The following MARCHF6 variants were observed in gnomAD, a reference collection of about 807,000 sequenced individuals.
The protein encoded by MARCHF6 is membrane associated ring-CH-type finger 6.
In MARCHF6, 31 loss-of-function variants were observed where a neutral mutation model predicts 133.7. The ratio of observed to expected loss-of-function variants is 0.23; its 90% CI spans 0.17 to 0.31. The LOEUF (loss-of-function observed/expected upper bound fraction) is 0.31. MARCHF6 is among the 10% of genes least tolerant of loss of function. The probability of loss-of-function intolerance (pLI) is 1.00; values close to 1 mark genes in which losing one functional copy is unlikely to be tolerated. For synonymous variants in MARCHF6, 395 were observed against 402.5 expected (o/e 0.98, Z 0.22); for missense variants, 723 against 1,121.6 (o/e 0.64, Z 5.08).
intron 16 of MARCHF6, among the ~76,000 whole-genome samples, chr5:10,406,177 G>A (rs1046428898): frequency 5.3e-5 from 8 of 152,278 alleles, no homozygotes; most frequent in East Asian, 1.9e-4. Context: ...CTGAAATCCC[G>A]TTGAAAACTG....
At position 10,382,099 on chromosome 5, in the gene MARCHF6, C is replaced by T. The variant is rs1008198382; in HGVS notation, c.334+156C>T. 3.3e-5 allele frequency among the ~76,000 whole-genome samples: 5 copies of T among 152,234 alleles called. No homozygotes were observed. In the South Asian group the frequency reaches 6.2e-4, roughly 19 times the overall value. On this transcript the variant is annotated intron_variant, in intron 4 of 25. Transcript: ENST00000274140. ...AAAGCCTTACTTAGAAGATGTTCATCGGAACTAAGAATGAGTTTAACAGGT... is the reference window on the plus strand; with the variant it reads ...AAAGCCTTACTTAGAAGATGTTCATTGGAACTAAGAATGAGTTTAACAGGT...
intron 4 of MARCHF6, among the ~76,000 whole-genome samples, chr5:10,384,296 T>C (rs1737334382): frequency 6.6e-6 from 1 of 150,936 alleles, no homozygotes; most frequent in Non-Finnish European, 1.5e-5. Flanking sequence ...CTTTTAAGAA[T>C]AAAAGGCAAT....
In MARCHF6 at chr5:10,412,967, T is replaced by G. The variant is rs557095980; in HGVS notation, c.1896+1430T>G. On this transcript the variant is annotated intron_variant, in intron 19 of 25. Coordinates refer to ENST00000274140, the MANE Select transcript of MARCHF6 (RefSeq NM_005885.4). ...GCCATGGGAGTGGTGAGGGATAAGG[T>G]GGGGAAGAGGTGAGGGACAAGAGGA... Among the ~76,000 whole-genome samples, 9 of 151,684 alleles carry G rather than the reference T, an allele frequency of 5.9e-5. No individual in the cohort carries two copies. In the South Asian group the frequency reaches 1.7e-3, roughly 28 times the overall value.
rs1232666551 is a variant in MARCHF6, at chr5:10,380,771, AC to A, written c.191-1028del. ...TGGAAACCCTGTCTCTACTGAAAAT[AC>A]AAAAATCAGCCAGGTGTGGTGGCAG... On this transcript the variant is annotated intron_variant, in intron 3 of 25. Transcript: ENST00000274140. 3.3e-5 allele frequency among the ~76,000 whole-genome samples: 5 copies of A among 152,104 alleles called. No individual in the cohort carries two copies. In the East Asian group the frequency reaches 9.7e-4, roughly 29 times the overall value.
Position 10,433,702 on chromosome 5 carries a change from C to T in MARCHF6, c.*18C>T. ...AAGAATAAAGTAGTTGTCTCAACAA[C>T]TTGACCTTCCCCTTTACATGTCCTT... On this transcript the variant is annotated 3_prime_UTR_variant, in exon 26 of 26. Coordinates refer to ENST00000274140, the MANE Select transcript of MARCHF6 (RefSeq NM_005885.4). 4 of 1,598,632 alleles carry T rather than the reference C, an allele frequency of 2.5e-6. No individual in the cohort carries two copies. Among genetic ancestry groups the T allele is most frequent in the Non-Finnish European group, 3.4e-6 (4 of 1,165,844 alleles).
chr5:10,435,909 G>T lies in MARCHF6; in HGVS notation c.*2225G>T, dbSNP rs941784664. ...TTTTAGTTATTTTAGTAGAGATAGGGTTTCACCATGTTGGCCAGGCTGGTC... is the reference window on the plus strand; with the variant it reads ...TTTTAGTTATTTTAGTAGAGATAGGTTTTCACCATGTTGGCCAGGCTGGTC... On this transcript the variant is annotated 3_prime_UTR_variant, in exon 26 of 26. Transcript: ENST00000274140. 2.7e-5 allele frequency: 4 copies of T among 150,106 alleles called. No homozygotes were observed. Among genetic ancestry groups the T allele is most frequent in the Non-Finnish European group, 5.9e-5 (4 of 67,634 alleles). The allele number at this position is 150,106 out of a possible 1,614,324, so 9.3% of individuals were successfully genotyped here.
intron 4 of MARCHF6, among the ~76,000 whole-genome samples, chr5:10,384,099 G>A (rs564927532): frequency 2.4e-4 from 36 of 152,092 alleles, no homozygotes; most frequent in African/African-American, 7.0e-4. Context: ...TCAGATGGCC[G>A]TACAGAAAAA....
At chr5:10,423,904 AT>A in intron 23 of MARCHF6, 80 bp downstream of exon 23, 1 of 993,712 alleles carries the variant, frequency 1.0e-6, no homozygotes, top group Non-Finnish European at 1.5e-6. Context: ...CTTATTTCTT[AT>A]CTTCCTACCT....
chr5:10,418,440 T>TCG (rs1310068680), intron 22 of MARCHF6, among the ~76,000 whole-genome samples: 2 of 149,906 alleles, frequency 1.3e-5, no homozygotes, highest in African/African-American at 4.9e-5. Flanking sequence ...ACAGCAAAGG[T>TCG]CTTAAAGCTC....
chr5:10,369,634 C>T (rs1393297682), intron 1 of MARCHF6, among the ~76,000 whole-genome samples: 1 of 112,456 alleles, frequency 8.9e-6, no homozygotes, highest in African/African-American at 3.5e-5. Flanking sequence ...TATCCTTTAC[C>T]CTTTTATGGT....
rs967185145 is a variant in MARCHF6 at position 10,405,476 on chromosome 5, T to G, written c.1333-82T>G. The G allele has an allele frequency of 3.3e-6, 4 of 1,200,118 alleles. No individual in the cohort carries two copies. The Admixed American group carries it at 1.1e-4, about 33-fold the overall frequency. 74.3% of individuals were successfully genotyped at this position (1,200,118 alleles called of 1,614,324 possible). A position where few individuals can be genotyped will look rare whatever the true frequency, so the allele number is the denominator to read the frequency against. ...AGATGCCAGAATAATTCTAAGTGCT[T>G]ATCTTTCTGTTAATGTTTTAGCTCA... On this transcript the variant is annotated intron_variant, in intron 15 of 25. Coordinates refer to ENST00000274140, the MANE Select transcript of MARCHF6 (RefSeq NM_005885.4).
At chr5:10,391,154 A>G (rs1047509810) in intron 6 of MARCHF6, among the ~76,000 whole-genome samples, 19 of 152,130 alleles carry the variant, frequency 1.2e-4, no homozygotes, top group African/African-American at 4.6e-4. Flanking sequence ...GTTTTTTGAG[A>G]TTGGCTCTTG....
At chr5:10,430,108 A>T in intron 25 of MARCHF6, 80 bp downstream of exon 25, 3 of 1,466,512 alleles carry the variant, frequency 2.0e-6, no homozygotes, top group Non-Finnish European at 2.8e-6. Context: ...AAATCATAGG[A>T]GGGAAACATG....
Position 10,414,509 on chromosome 5 carries a change from G to T in MARCHF6, c.1966+7G>T. On this transcript the variant is annotated splice_region_variant and intron_variant, in intron 20 of 25. Transcript: ENST00000274140. The stretch of plus-strand genomic sequence containing the variant: ...ATCTGCCTTACTTTACCAGGTATGA[G>T]CTTGTGCTAGCCTTCAGCTAATAGC... 6.2e-7 allele frequency: 1 copy of T among 1,604,662 alleles called. No homozygotes were observed. Among genetic ancestry groups the T allele is most frequent in the Admixed American group, 1.7e-5 (1 of 59,858 alleles).
At chr5:10,387,256 ACCTGTTTTATGGGACTGTTT>A (rs1263365995) in intron 5 of MARCHF6, among the ~76,000 whole-genome samples, 190 bp downstream of exon 5, 1 of 151,586 alleles carries the variant, frequency 6.6e-6, no homozygotes, top group Non-Finnish European at 1.5e-5. Context: ...TTTAAAACAT[ACCTGTTTTATGGGACTGTTT>A]TGTAATGATG....
At chr5:10,371,238 C>T (rs867051988) in intron 1 of MARCHF6, among the ~76,000 whole-genome samples, 2 of 152,164 alleles carry the variant, frequency 1.3e-5, no homozygotes, top group Non-Finnish European at 2.9e-5. Flanking sequence ...TATTACCCTA[C>T]CCCTTTCAAC....
intron 25 of MARCHF6, among the ~76,000 whole-genome samples, chr5:10,432,120 A>G (rs1285945881): frequency 2.0e-5 from 3 of 152,238 alleles, no homozygotes; most frequent in Non-Finnish European, 2.9e-5. Flanking sequence ...AACTGCCAAA[A>G]TATTTCCTTA....
intron 21 of MARCHF6, among the ~76,000 whole-genome samples, chr5:10,417,034 CAG>C (rs966257569): frequency 1.3e-5 from 2 of 152,316 alleles, no homozygotes; most frequent in African/African-American, 4.8e-5. Context: ...CTTGGGCAAA[CAG>C]AAACCTAGTC....
In MARCHF6 at chr5:10,394,772, C is replaced by T; in HGVS notation, c.848C>T (p.Ser283Leu). 1 of 1,561,992 alleles carries T rather than the reference C, an allele frequency of 6.4e-7. No homozygotes were observed. Among genetic ancestry groups the T allele is most frequent in the Non-Finnish European group, 8.8e-7 (1 of 1,142,538 alleles). The change falls in exon 9 of 26, where the codon TCA (serine) becomes TTA (leucine). Residue 283 changes from serine to leucine, a missense_variant. This residue lies in a region of MARCHF6 where 43 missense variants were observed against 97.9 expected (regional missense o/e 0.44). Coordinates refer to ENST00000274140, the MANE Select transcript of MARCHF6 (RefSeq NM_005885.4). Reference sequence around the variant, plus strand: ...TTTTAGATGCTAGGACTTGATGGATCACTAGTTTTTCTGGTAAGTAAAACT... The same window carrying T: ...TTTTAGATGCTAGGACTTGATGGATTACTAGTTTTTCTGGTAAGTAAAACT... ...TWERMLGLDG[S>L]LVFLEHVFWV... is the part of the protein sequence containing the mutation.
Sources: gnomAD v4.1 joint callset for allele counts (sites outside exome capture counted in the v4.1 genomes callset) on GRCh38, gnomAD v4.1.1 for gene constraint, gnomAD v4.1.1 regional missense constraint, MANE v1.5 for transcripts, NCBI Gene and HGNC (gene_info 2026-07-23, HGNC 2026-07-21) for gene names.